Variants in LRRC27 observed in about 807,000 individuals in gnomAD.
LRRC27 encodes leucine-rich repeat-containing protein 27.
LRRC27 carries 57 observed loss-of-function variants against 55.0 expected under a neutral mutation model. That is an observed-to-expected ratio of 1.04 (90% CI 0.84 to 1.29). The LOEUF (loss-of-function observed/expected upper bound fraction) is 1.29, where lower values mean the gene tolerates loss of function less well. LRRC27 is among the 50% of genes most tolerant of loss of function. LRRC27 has a pLI of 0.00. For synonymous variants in LRRC27, 278 were observed against 251.9 expected, an observed-to-expected ratio of 1.10 and a Z score of -0.98; for missense variants, 721 against 651.5, an observed-to-expected ratio of 1.11 and a Z score of -1.16.
In LRRC27 at chr10:132,351,773, G is replaced by T; in HGVS notation, c.1073+20G>T. On this transcript the variant is annotated intron_variant, in intron 7 of 10. Transcript: ENST00000368614. Reference sequence around the variant, plus strand: ...GAGACGGTGAGTCCACACAGGGTGGGGGTCCGCACAGCCCGCCCAGTGCAC... The same window carrying T: ...GAGACGGTGAGTCCACACAGGGTGGTGGTCCGCACAGCCCGCCCAGTGCAC... 6.3e-7 allele frequency: 1 copy of T among 1,595,580 alleles called. No individual in the cohort carries two copies. Among genetic ancestry groups the T allele is most frequent in the Non-Finnish European group, 8.5e-7 (1 of 1,170,498 alleles).
chr10:132,341,630 G>A (rs942548696), intron 3 of LRRC27, among the ~76,000 whole-genome samples: 3 of 152,138 alleles, frequency 2.0e-5, no homozygotes, highest in Admixed American at 2.0e-4. Flanking sequence ...AGTTTCTTAC[G>A]TAGAGGCTTC....
rs1441111517 is a variant in LRRC27 at position 132,333,554 on chromosome 10, C to T, written c.30C>T (p.Pro10=). MEGSSSYEV[P]SVAAADLEEG... ...AGGGAAGCAGCTCCTACGAAGTTCC[C>T]TCTGTGGCTGCTGCTGATCTGGAGG... is the stretch of plus-strand genomic sequence containing the variant. Residue 10 remains proline, a synonymous_variant, in exon 2 of 11, where the codon CCC becomes CCT. Transcript: ENST00000368614. 1 of 1,609,886 alleles carries T rather than the reference C, an allele frequency of 6.2e-7. No homozygotes were observed. The highest frequency in any genetic ancestry group is 1.3e-5 in the African/African-American group (1 of 74,926).
intron 3 of LRRC27, among the ~76,000 whole-genome samples, chr10:132,340,273 T>TG (rs2067345034): frequency 6.6e-6 from 1 of 152,230 alleles, no homozygotes; most frequent in Non-Finnish European, 1.5e-5. Flanking sequence ...GTTTAAAGTG[T>TG]GCTCAGAATA....
intron 6 of LRRC27, among the ~76,000 whole-genome samples, chr10:132,349,497 T>C (rs527861899): frequency 1.3e-5 from 2 of 152,316 alleles, no homozygotes; most frequent in South Asian, 4.1e-4. Context: ...TCCAGCACGC[T>C]TGTGGTGTTC....
chr10:132,361,562 A>G lies in LRRC27; in HGVS notation c.1276A>G (p.Ser426Gly). Residue 426 changes from serine to glycine, a missense_variant, in exon 9 of 11, where the codon AGT becomes GGT. Coordinates refer to ENST00000368614, the MANE Select transcript of LRRC27 (RefSeq NM_030626.3). ...AAGCAAAGAGAAATCGCCACAAGCA[A>G]GTAAAGAAATGAGGTTGGTAACTGC... Reference protein sequence around the residue: ...KPSKEKSPQASKEMSALQERN... With the variant: ...KPSKEKSPQAGKEMSALQERN... The G allele has an allele frequency of 1.2e-6, 2 of 1,613,180 alleles. No homozygotes were observed. Among genetic ancestry groups the G allele is most frequent in the Non-Finnish European group, 1.7e-6 (2 of 1,179,434 alleles).
intron 9 of LRRC27, among the ~76,000 whole-genome samples, chr10:132,364,874 T>G (rs1184460375): frequency 2.4e-4 from 2 of 8,478 alleles, no homozygotes; most frequent in African/African-American, 4.0e-4. Flanking sequence ...CAGACTGGAG[T>G]GGACCCCGCC....
At position 132,360,720 on chromosome 10, in the gene LRRC27, C is replaced by T. The variant is rs1043110927; in HGVS notation, c.1171-737C>T. ...GAATGGCAGATACAACCATTCCAAA[C>T]GTCATCTCAGTAAATGCTAAATGGA... On this transcript the variant is annotated intron_variant, in intron 8 of 10. Transcript: ENST00000368614. 3.3e-5 allele frequency among the ~76,000 whole-genome samples: 5 copies of T among 152,180 alleles called. No individual in the cohort carries two copies. The South Asian group carries it at 6.2e-4, about 19-fold the overall frequency.
Position 132,339,622 on chromosome 10 carries a change from C to T in LRRC27, c.341+1927C>T, listed in dbSNP as rs534014321. On this transcript the variant is annotated intron_variant, in intron 3 of 10. Coordinates refer to ENST00000368614, the MANE Select transcript of LRRC27 (RefSeq NM_030626.3). ...TGGGCAGTTGTCCACCCTGTCCTCA[C>T]GGCCTCGGGAGGCTTCCAAGCCTGA... Among the ~76,000 whole-genome samples, 97 of 152,336 alleles carry T rather than the reference C, an allele frequency of 6.4e-4. 1 individual carries two copies. The highest frequency in any genetic ancestry group is 1.8e-3 in the African/African-American group (76 of 41,586).
At chr10:132,349,869 T>C (rs1013120560) in intron 6 of LRRC27, among the ~76,000 whole-genome samples, 4 of 152,212 alleles carry the variant, frequency 2.6e-5, no homozygotes, top group Non-Finnish European at 5.9e-5. Flanking sequence ...AGAACCACTC[T>C]GTGCCTCAGC....
At chr10:132,364,109 G>C (rs932366836) in intron 9 of LRRC27, among the ~76,000 whole-genome samples, 1 of 151,978 alleles carries the variant, frequency 6.6e-6, no homozygotes, top group East Asian at 1.9e-4. Flanking sequence ...AGTCTGAGGC[G>C]CTGACACAGG....
In LRRC27 at chr10:132,375,278, C is replaced by G. The variant is rs2069319821; in HGVS notation, c.*36C>G. On this transcript the variant is annotated 3_prime_UTR_variant, in exon 11 of 11. Coordinates refer to ENST00000368614, the MANE Select transcript of LRRC27 (RefSeq NM_030626.3). ...CTGGACTGATGGAGACGTCTTCAGACAGGAGCCGCTCAGTCTTCTTTCCCG... is the reference window on the plus strand; with the variant it reads ...CTGGACTGATGGAGACGTCTTCAGAGAGGAGCCGCTCAGTCTTCTTTCCCG... 3.2e-6 allele frequency: 5 copies of G among 1,580,782 alleles called. No homozygotes were observed. Among genetic ancestry groups the G allele is most frequent in the Non-Finnish European group, 4.3e-6 (5 of 1,159,344 alleles).
At position 132,355,831 on chromosome 10, in the gene LRRC27, G is replaced by A. The variant is rs777943626; in HGVS notation, c.1115G>A (p.Arg372Lys). 1.3e-6 allele frequency: 2 copies of A among 1,558,702 alleles called. No homozygotes were observed. Among genetic ancestry groups the A allele is most frequent in the Admixed American group, 3.8e-5 (2 of 51,982 alleles). ...ALQEWRERAQ[R>K]MRKRKEELSK... Reference sequence around the variant, plus strand: ...CAGGAGTGGAGAGAGCGAGCCCAGAGGATGAGGAAGAGGAAGGAAGAGCTC... The same window carrying A: ...CAGGAGTGGAGAGAGCGAGCCCAGAAGATGAGGAAGAGGAAGGAAGAGCTC... The change falls in exon 8 of 11, where the codon AGG becomes AAG. Residue 372 changes from arginine (R) to lysine (K), a missense_variant. Coordinates refer to ENST00000368614, the MANE Select transcript of LRRC27 (RefSeq NM_030626.3).
At chr10:132,351,518 C>A in intron 6 of LRRC27, 89 bp from the exon 7 acceptor site, 1 of 1,435,668 alleles carries the variant, frequency 7.0e-7, no homozygotes, top group Non-Finnish European at 9.6e-7. Flanking sequence ...GGATGATCCA[C>A]AGGCCCTCCT....
intron 9 of LRRC27, among the ~76,000 whole-genome samples, chr10:132,364,409 A>ACGTCCACACTTACACC (rs1402375501): frequency 6.0e-5 from 1 of 16,764 alleles, no homozygotes; most frequent in African/African-American, 1.2e-4. Context: ...ATCTACCTCC[A>ACGTCCACACTTACACC]CACCCGCGCT....
rs1390144512 is a variant in LRRC27, at chr10:132,380,608, G to T, written c.*5366G>T. Among the ~76,000 whole-genome samples, 1 of 152,150 alleles carries T rather than the reference G, an allele frequency of 6.6e-6. No homozygotes were observed. Among genetic ancestry groups the T allele is most frequent in the Non-Finnish European group, 1.5e-5 (1 of 68,012 alleles). On this transcript the variant is annotated 3_prime_UTR_variant, in exon 11 of 11. Coordinates refer to ENST00000368614, the MANE Select transcript of LRRC27 (RefSeq NM_030626.3). ...CAGGAGGTCGAGGCTGCAGTGAGCT[G>T]TGATTGCACCACTGCACTCAAGCCT...
At chr10:132,368,731 C>A (rs985115753) in intron 10 of LRRC27, among the ~76,000 whole-genome samples, 1 of 152,182 alleles carries the variant, frequency 6.6e-6, no homozygotes, top group Admixed American at 6.5e-5. Flanking sequence ...ACCTAAGTGA[C>A]CTTGGGTATG....
chr10:132,337,786 AT>A, intron 3 of LRRC27, 91 bp downstream of exon 3: 1 of 1,437,372 alleles, frequency 7.0e-7, no homozygotes, highest in Non-Finnish European at 9.5e-7. Context: ...TCTTGATTAA[AT>A]TTTTACCTCG....
rs992572951 is a variant in LRRC27 at position 132,374,920 on chromosome 10, C to A, written c.1417-146C>A. Reference sequence around the variant, plus strand: ...TTGCAGGGGGGACCGCGCCGTGATGCGGCTTGCAGGGGCCCCGGGGCAGCG... The same window carrying A: ...TTGCAGGGGGGACCGCGCCGTGATGAGGCTTGCAGGGGCCCCGGGGCAGCG... On this transcript the variant is annotated intron_variant, in intron 10 of 10. Coordinates refer to ENST00000368614, the MANE Select transcript of LRRC27 (RefSeq NM_030626.3). The surrounding 1 kb of genome is among the most constrained non-coding windows in gnomAD (Gnocchi z 4.4). The A allele has an allele frequency of 2.5e-6, 2 of 805,264 alleles. No homozygotes were observed. The highest frequency in any genetic ancestry group is 1.8e-5 in the South Asian group (1 of 55,528). 49.9% of individuals were successfully genotyped at this position (805,264 alleles called of 1,614,324 possible). A position where few individuals can be genotyped will look rare whatever the true frequency, so the allele number is the denominator to read the frequency against.
At chr10:132,345,171 T>C (rs2067618002) in intron 5 of LRRC27, among the ~76,000 whole-genome samples, 1 of 152,204 alleles carries the variant, frequency 6.6e-6, no homozygotes. Context: ...TGGTCTTGAG[T>C]ACGCATTGTA....
Sources: gnomAD v4.1 joint callset for allele counts (sites outside exome capture counted in the v4.1 genomes callset) on GRCh38, gnomAD v4.1.1 for gene constraint, Gnocchi (gnomAD v3.1) non-coding constraint, MANE v1.5 for transcripts, NCBI Gene and HGNC (gene_info 2026-07-23, HGNC 2026-07-21) for gene names.